Variants in SEMA6D observed in about 807,000 individuals in gnomAD.
The protein encoded by SEMA6D is semaphorin 6D.
SEMA6D carries 35 observed loss-of-function variants against 106.6 expected under a neutral mutation model. The observed-to-expected ratio is 0.33, with a 90% confidence interval of 0.25 to 0.44. The LOEUF is 0.44. SEMA6D is among the 20% of genes least tolerant of loss of function. The probability of loss-of-function intolerance (pLI) is 1.00; values close to 1 mark genes in which losing one functional copy is unlikely to be tolerated. For synonymous variants in SEMA6D, 499 were observed against 487.7 expected, an observed-to-expected ratio of 1.02 and a Z score of -0.31; for missense variants, 1,185 against 1,345.9, an observed-to-expected ratio of 0.88 and a Z score of 1.87.
intron 1 of SEMA6D, among the ~76,000 whole-genome samples, chr15:47,193,006 G>A (rs12916497): frequency 0.18 from 27,743 of 152,116 alleles, 2,920 homozygotes; most frequent in South Asian, 0.28. Context: ...CTTCTGGTCT[G>A]AGAAACCATC....
chr15:47,279,939 T>C (rs1289681600), intron 1 of SEMA6D, among the ~76,000 whole-genome samples: 3 of 151,054 alleles, frequency 2.0e-5, no homozygotes, highest in Non-Finnish European at 4.4e-5. Flanking sequence ...CAGTATTTTA[T>C]TGAGGATTTT....
chr15:47,604,062 C>T (rs2076721971), intron 4 of SEMA6D: 1 of 152,118 alleles, frequency 6.6e-6, no homozygotes, highest in Admixed American at 6.6e-5. Context: ...TAGAAAGGGC[C>T]CAGGTAGGAA....
intron 14 of SEMA6D, 27 bp from the exon 15 acceptor site, chr15:47,766,078 A>C (rs909864036): frequency 5.6e-6 from 9 of 1,613,194 alleles, no homozygotes; most frequent in Non-Finnish European, 7.6e-6. Flanking sequence ...AGAAAATCCA[A>C]GTTACATTCT....
chr15:47,187,160 G>T (rs1893634971), intron 1 of SEMA6D, among the ~76,000 whole-genome samples: 1 of 152,076 alleles, frequency 6.6e-6, no homozygotes, highest in Non-Finnish European at 1.5e-5. Context: ...TGAAGCACTT[G>T]TAAATGTTAT....
At chr15:47,240,820 C>A (rs2032860415) in intron 1 of SEMA6D, among the ~76,000 whole-genome samples, 1 of 152,100 alleles carries the variant, frequency 6.6e-6, no homozygotes, top group Non-Finnish European at 1.5e-5. Flanking sequence ...ATCCAAGGAT[C>A]TAGAGAAATT....
chr15:47,765,177 G>T, intron 13 of SEMA6D, 121 bp downstream of exon 13: 13 of 1,438,564 alleles, frequency 9.0e-6, no homozygotes, highest in South Asian at 3.3e-5. Flanking sequence ...AGTGTTTTGT[G>T]TTTTTTTTCT....
intron 1 of SEMA6D, among the ~76,000 whole-genome samples, chr15:47,332,742 C>T (rs2037392509): frequency 6.6e-6 from 1 of 152,154 alleles, no homozygotes; most frequent in Non-Finnish European, 1.5e-5. Flanking sequence ...CCAGATTAGC[C>T]TTTAGGGCTG....
At chr15:47,252,040 C>T (rs1336889525) in intron 1 of SEMA6D, among the ~76,000 whole-genome samples, 16 of 148,324 alleles carry the variant, frequency 1.1e-4, no homozygotes, top group East Asian at 3.9e-4. Flanking sequence ...CTCAGCCTCC[C>T]GAGTAGCTGG....
intron 2 of SEMA6D, among the ~76,000 whole-genome samples, chr15:47,415,359 C>T (rs766126169): frequency 6.6e-6 from 1 of 152,096 alleles, no homozygotes; most frequent in African/African-American, 2.4e-5. Context: ...GTTTACAATA[C>T]AATCCCTGTC....
intron 1 of SEMA6D, among the ~76,000 whole-genome samples, chr15:47,235,067 G>T (rs2032453254): frequency 6.6e-6 from 1 of 151,942 alleles, no homozygotes; most frequent in African/African-American, 2.4e-5. Flanking sequence ...GTATCTCATT[G>T]TGGTTTAAAT....
chr15:47,628,522 A>G (rs999193849), intron 4 of SEMA6D, among the ~76,000 whole-genome samples: 4 of 152,154 alleles, frequency 2.6e-5, no homozygotes, highest in Non-Finnish European at 5.9e-5. Flanking sequence ...ATGATGTTAA[A>G]CATCTTTTCA....
intron 1 of SEMA6D, among the ~76,000 whole-genome samples, chr15:47,734,294 T>C (rs1052893581): frequency 6.6e-5 from 10 of 152,210 alleles, no homozygotes; most frequent in Non-Finnish European, 1.3e-4. Flanking sequence ...ACAGAGCTTT[T>C]CTTCCCCTTT....
chr15:47,248,749 C>T (rs1262788214), intron 1 of SEMA6D, among the ~76,000 whole-genome samples: 1 of 152,080 alleles, frequency 6.6e-6, no homozygotes, highest in Non-Finnish European at 1.5e-5. Flanking sequence ...TGCCTGACTC[C>T]CTAATAGTTA....
In SEMA6D at chr15:47,252,723, G is replaced by A. The variant is rs879365816; in HGVS notation, c.-239+68305G>A. Among the ~76,000 whole-genome samples, 4 of 152,122 alleles carry A rather than the reference G, an allele frequency of 2.6e-5. No individual in the cohort carries two copies. The East Asian group carries it at 7.7e-4, about 29-fold the overall frequency. ...TTATCCATGTTATCACAAATGACAG[G>A]ATTTCACACCCTTTTATAGCTGAAT... On this transcript the variant is annotated intron_variant, in intron 1 of 19. Coordinates refer to the SEMA6D transcript ENST00000558014.
chr15:47,299,582 G>C (rs998741076), intron 1 of SEMA6D, among the ~76,000 whole-genome samples: 2 of 152,204 alleles, frequency 1.3e-5, no homozygotes, highest in Non-Finnish European at 2.9e-5. Flanking sequence ...AGTAAATTCA[G>C]CATACATGGA....
At chr15:47,639,054 A>C (rs2077443330) in intron 4 of SEMA6D, among the ~76,000 whole-genome samples, 1 of 152,008 alleles carries the variant, frequency 6.6e-6, no homozygotes, top group Admixed American at 6.5e-5. Context: ...GAGGACACAG[A>C]CTCTGCTCAC....
At chr15:47,192,537 C>CAT (rs1894033987) in intron 1 of SEMA6D, among the ~76,000 whole-genome samples, 1 of 151,832 alleles carries the variant, frequency 6.6e-6, no homozygotes, top group African/African-American at 2.4e-5. Flanking sequence ...AATACATCTG[C>CAT]CCAAAGATGG....
At chr15:47,389,439 G>T (rs890609476) in intron 1 of SEMA6D, among the ~76,000 whole-genome samples, 9 of 150,520 alleles carry the variant, frequency 6.0e-5, no homozygotes, top group African/African-American at 2.0e-4. Flanking sequence ...AAAAAAAAAA[G>T]ACATCACTGA....
intron 1 of SEMA6D, among the ~76,000 whole-genome samples, chr15:47,320,649 A>T (rs2036888986): frequency 6.6e-6 from 1 of 152,080 alleles, no homozygotes. Context: ...TGCTTTACTA[A>T]CTTAATGCAT....
Sources: allele counts gnomAD v4.1 joint callset (sites outside exome capture counted in the v4.1 genomes callset), GRCh38; gene constraint gnomAD v4.1.1; transcripts MANE v1.5; gene names NCBI Gene and HGNC (gene_info 2026-07-23, HGNC 2026-07-21).